Variants in HSDL2 observed in about 807,000 individuals in gnomAD.
The protein encoded by HSDL2 is hydroxysteroid dehydrogenase-like protein 2.
A neutral mutation model predicts 46.3 loss-of-function variants in HSDL2; 27 were observed. That is an observed-to-expected ratio of 0.58 (90% confidence interval 0.43 to 0.80). The LOEUF is 0.80. Ranked by LOEUF, HSDL2 falls within the 30% of genes least tolerant of loss-of-function variation. HSDL2 has a pLI of 0.00. For synonymous variants in HSDL2, 153 were observed against 163.6 expected, an observed-to-expected ratio of 0.94 and a Z score of 0.50; for missense variants, 451 against 502.7, an observed-to-expected ratio of 0.90 and a Z score of 0.98.
chr9:112,470,552 T>A lies in HSDL2; in HGVS notation c.*8T>A. 1.3e-6 allele frequency: 2 copies of A among 1,523,024 alleles called. No homozygotes were observed. Among genetic ancestry groups the A allele is most frequent in the Admixed American group, 1.9e-5 (1 of 53,004 alleles). The allele number at this position is 1,523,024 out of a possible 1,614,324, so 94.3% of individuals were successfully genotyped here. A position where few individuals can be genotyped will look rare whatever the true frequency, so the allele number is the denominator to read the frequency against. Reference sequence around the variant, plus strand: ...ATGAATGCCAGACTGTGAAGGAAAATATAAAAAAAAAGTCGACTGCTATGC... The same window carrying A: ...ATGAATGCCAGACTGTGAAGGAAAAAATAAAAAAAAAGTCGACTGCTATGC... On this transcript the variant is annotated 3_prime_UTR_variant, in exon 11 of 11. Transcript: ENST00000398805.
At chr9:112,462,106 G>A (rs1833227268) in intron 10 of HSDL2, among the ~76,000 whole-genome samples, 1 of 152,118 alleles carries the variant, frequency 6.6e-6, no homozygotes, top group African/African-American at 2.4e-5. Flanking sequence ...TATATCCTAA[G>A]AATTCTCTTT....
chr9:112,399,705 G>T lies in HSDL2; in HGVS notation c.18-4290G>T, dbSNP rs192501840. 4.9e-4 allele frequency among the ~76,000 whole-genome samples: 74 copies of T among 152,220 alleles called. No homozygotes were observed. The East Asian group carries it at 0.011, about 22-fold the overall frequency. The stretch of plus-strand genomic sequence containing the variant: ...TAGGAAAAGAATTTAGCAATATCTC[G>T]CCTACTTGGACATCCGTTTATAGGC... On this transcript the variant is annotated intron_variant, in intron 1 of 10. Coordinates refer to ENST00000398805, the MANE Select transcript of HSDL2 (RefSeq NM_032303.5).
At chr9:112,449,861 T>C (rs1373368866) in intron 8 of HSDL2, among the ~76,000 whole-genome samples, 3 of 151,968 alleles carry the variant, frequency 2.0e-5, no homozygotes, top group Admixed American at 1.3e-4. Flanking sequence ...CATTTGGAAG[T>C]GTCTAGTGAT....
intron 3 of HSDL2, 53 bp from the exon 4 acceptor site, chr9:112,408,854 T>C: frequency 1.1e-6 from 1 of 952,276 alleles, no homozygotes; most frequent in South Asian, 1.4e-5. Context: ...ACGCTTTTTT[T>C]GTGTGTGATA....
intron 2 of HSDL2, 57 bp downstream of exon 2, chr9:112,404,215 G>A (rs898804852): frequency 1.3e-6 from 2 of 1,518,670 alleles, no homozygotes; most frequent in African/African-American, 1.4e-5. Context: ...AATACATAGA[G>A]AATTTGCTGG....
chr9:112,409,139 A>G (rs550402479), intron 4 of HSDL2, 118 bp downstream of exon 4: 2 of 551,536 alleles, frequency 3.6e-6, no homozygotes, highest in Non-Finnish European at 6.5e-6. Context: ...GTCAATCCTT[A>G]TAAGGGTCTA....
chr9:112,444,334 A>C (rs1285974195), intron 8 of HSDL2, among the ~76,000 whole-genome samples: 5 of 152,098 alleles, frequency 3.3e-5, no homozygotes, highest in Admixed American at 6.6e-5. Context: ...TTACCATTTC[A>C]TTATACCTTT....
intron 9 of HSDL2, among the ~76,000 whole-genome samples, chr9:112,457,637 C>T (rs942334915): frequency 2.6e-5 from 4 of 152,010 alleles, no homozygotes; most frequent in African/African-American, 9.7e-5. Context: ...AGAGCAAGAC[C>T]CTGTCTTAAA....
Position 112,441,771 on chromosome 9 carries a change from G to A in HSDL2, c.865+1G>A, listed in dbSNP as rs1472140962. 1.3e-6 allele frequency: 2 copies of A among 1,541,562 alleles called. No individual in the cohort carries two copies. The highest frequency in any genetic ancestry group is 1.8e-6 in the Non-Finnish European group (2 of 1,114,208). On this transcript the variant is annotated splice_donor_variant, in intron 8 of 10. Coordinates refer to ENST00000398805, the MANE Select transcript of HSDL2 (RefSeq NM_032303.5). LOFTEE classifies it high-confidence loss of function. The stretch of plus-strand genomic sequence containing the variant: ...GTTAGCAAGAAAGTGGAATCAACTG[G>A]TAAGATCTAGACTATATTTTATGTT...
intron 5 of HSDL2, among the ~76,000 whole-genome samples, chr9:112,418,229 T>G (rs532983551): frequency 6.2e-4 from 95 of 152,282 alleles, no homozygotes; most frequent in African/African-American, 2.3e-3. Context: ...TAAAACCTGT[T>G]CTTTACAAAA....
intron 6 of HSDL2, among the ~76,000 whole-genome samples, chr9:112,426,442 G>C (rs189480626): frequency 7.2e-5 from 11 of 151,980 alleles, no homozygotes; most frequent in Non-Finnish European, 1.5e-4. Context: ...CGCCATTTTG[G>C]CCAGGCTAGT....
intron 1 of HSDL2, among the ~76,000 whole-genome samples, chr9:112,395,858 A>G (rs1831445010): frequency 1.3e-5 from 2 of 152,212 alleles, no homozygotes; most frequent in South Asian, 4.1e-4. Context: ...TCAGAAACCA[A>G]TTGAGTTAAA....
intron 10 of HSDL2, among the ~76,000 whole-genome samples, chr9:112,463,554 C>T (rs1362751043): frequency 1.3e-5 from 2 of 152,224 alleles, no homozygotes; most frequent in African/African-American, 4.8e-5. Context: ...TTTAAAATTG[C>T]TCCTTGCAGA....
At chr9:112,424,275 C>T (rs1052155257) in intron 6 of HSDL2, among the ~76,000 whole-genome samples, 19 of 148,676 alleles carry the variant, frequency 1.3e-4, no homozygotes, top group Admixed American at 3.4e-4. Flanking sequence ...GAGCCGAGAT[C>T]GTGCCACTGC....
At chr9:112,414,526 A>T (rs1831947296) in intron 4 of HSDL2, among the ~76,000 whole-genome samples, 1 of 152,210 alleles carries the variant, frequency 6.6e-6, no homozygotes, top group African/African-American at 2.4e-5. Flanking sequence ...GATGCACCTG[A>T]TGTAGGATTA....
intron 6 of HSDL2, among the ~76,000 whole-genome samples, chr9:112,431,791 G>A (rs555927432): frequency 2.2e-4 from 34 of 151,920 alleles, no homozygotes; most frequent in Non-Finnish European, 3.4e-4. Flanking sequence ...GCCAAGTGAT[G>A]TTGGAGCCAT....
At chr9:112,401,523 C>G (rs374277852) in intron 1 of HSDL2, among the ~76,000 whole-genome samples, 12 of 150,200 alleles carry the variant, frequency 8.0e-5, no homozygotes, top group African/African-American at 2.7e-4. Flanking sequence ...CATTCCTTGT[C>G]ATCGAATTGA....
At chr9:112,413,982 C>A in intron 4 of HSDL2, 1 of 222,922 alleles carries the variant, frequency 4.5e-6, no homozygotes, top group South Asian at 5.3e-5. Flanking sequence ...TAAAAAGAGG[C>A]AAAGGCAGAG....
chr9:112,384,122 A>T (rs1831169646), intron 1 of HSDL2, among the ~76,000 whole-genome samples: 1 of 152,216 alleles, frequency 6.6e-6, no homozygotes, highest in African/African-American at 2.4e-5. Context: ...ATTTTTCCAA[A>T]TGAAGTTTAG....
Sources: gnomAD v4.1 joint callset for allele counts (sites outside exome capture counted in the v4.1 genomes callset) on GRCh38, gnomAD v4.1.1 for gene constraint, MANE v1.5 for transcripts, NCBI Gene and HGNC (gene_info 2026-07-23, HGNC 2026-07-21) for gene names.